Variants in SNX24 observed in about 807,000 individuals in gnomAD.
SNX24 encodes the protein sorting nexin-24.
In SNX24, 22 loss-of-function variants were observed where a neutral mutation model predicts 28.7. The ratio of observed to expected loss-of-function variants is 0.77; its 90% CI spans 0.55 to 1.10. The LOEUF (loss-of-function observed/expected upper bound fraction) is 1.10, where lower values mean the gene tolerates loss of function less well. Among genes scored for constraint, SNX24 ranks in the 50% least tolerant of loss-of-function variants. The pLI is 0.00. For synonymous variants in SNX24, 69 were observed against 71.5 expected (o/e 0.96, Z 0.18); for missense variants, 221 against 201.1 (o/e 1.10, Z -0.60).
At position 122,932,948 on chromosome 5, in the gene SNX24, C is replaced by G. The variant is rs189756247; in HGVS notation, c.61-3786C>G. 1.3e-3 allele frequency among the ~76,000 whole-genome samples: 203 copies of G among 151,722 alleles called. 1 individual carries two copies. The highest frequency in any genetic ancestry group is 4.5e-3 in the African/African-American group (188 of 41,368). On this transcript the variant is annotated intron_variant, in intron 1 of 6. Coordinates refer to ENST00000261369, the MANE Select transcript of SNX24 (RefSeq NM_014035.4). The stretch of plus-strand genomic sequence containing the variant: ...TGTTGACAAGGATGGGCCAGACATT[C>G]CTATTCATAACAGTGTAACTTAGTA...
chr5:122,969,179 T>C (rs944685090), intron 3 of SNX24, among the ~76,000 whole-genome samples: 1 of 152,186 alleles, frequency 6.6e-6, no homozygotes, highest in Non-Finnish European at 1.5e-5. Context: ...ATTTATTACA[T>C]AAGGTGCTCT....
Position 123,007,975 on chromosome 5 carries a change from AG to A in SNX24, c.*227del. 8.0e-7 allele frequency: 1 copy of A among 1,245,140 alleles called. No individual in the cohort carries two copies. The highest frequency in any genetic ancestry group is 1.0e-6 in the Non-Finnish European group (1 of 989,396). 77.1% of individuals were successfully genotyped at this position (1,245,140 alleles called of 1,614,324 possible). On this transcript the variant is annotated 3_prime_UTR_variant, in exon 7 of 7. Coordinates refer to ENST00000261369, the MANE Select transcript of SNX24 (RefSeq NM_014035.4). ...TCAGGCTAAGGCCAAGTGTTTAAGA[AG>A]TAGAGTGTAGCTGCCAGCGTAGAAA...
At chr5:123,005,989 GCTTGT>G (rs1762410757) in intron 6 of SNX24, among the ~76,000 whole-genome samples, 1 of 152,072 alleles carries the variant, frequency 6.6e-6, no homozygotes, top group Admixed American at 6.5e-5. Flanking sequence ...GTGTTCATTC[GCTTGT>G]CTCCCCAATT....
At chr5:122,897,599 A>G (rs918054680) in intron 1 of SNX24, among the ~76,000 whole-genome samples, 4 of 152,220 alleles carry the variant, frequency 2.6e-5, no homozygotes, top group African/African-American at 9.6e-5. Context: ...CTTATTTGTG[A>G]CAATACAAGA....
At chr5:122,897,150 TCA>T (rs1443201744) in intron 1 of SNX24, among the ~76,000 whole-genome samples, 6 of 150,918 alleles carry the variant, frequency 4.0e-5, no homozygotes, top group African/African-American at 7.3e-5. Context: ...GCATGAATTT[TCA>T]CATTTTGTCT....
At chr5:122,950,521 C>T (rs1477937298) in intron 3 of SNX24, among the ~76,000 whole-genome samples, 1 of 152,216 alleles carries the variant, frequency 6.6e-6, no homozygotes, top group African/African-American at 2.4e-5. Context: ...AGGGCTGCAA[C>T]AGTTCCAGAC....
chr5:122,897,561 T>C (rs1423395277), intron 1 of SNX24, among the ~76,000 whole-genome samples: 1 of 152,188 alleles, frequency 6.6e-6, no homozygotes. Context: ...TTTCAGGGGA[T>C]GGAGTGGGGA....
At chr5:122,984,290 G>GA (rs11395046) in intron 3 of SNX24, among the ~76,000 whole-genome samples, 33,565 of 150,000 alleles carry the variant, frequency 0.22, 4,702 homozygotes, top group Non-Finnish European at 0.33. Context: ...CTACAATACA[G>GA]AAAAAAAAAA....
chr5:122,936,844 TTTCTC>T, intron 2 of SNX24, 27 bp downstream of exon 2: 1 of 1,434,144 alleles, frequency 7.0e-7, no homozygotes. Flanking sequence ...TTTTTTGTCT[TTTCTC>T]TATGTGGCAG....
chr5:123,015,594 A>C (rs1762665676), intron 5 of SNX24, among the ~76,000 whole-genome samples: 1 of 152,158 alleles, frequency 6.6e-6, no homozygotes, highest in African/African-American at 2.4e-5. Context: ...AACTCTGTAC[A>C]ACTTTTCAGG....
chr5:122,973,417 C>T (rs1018298216), intron 3 of SNX24, among the ~76,000 whole-genome samples: 4 of 152,230 alleles, frequency 2.6e-5, no homozygotes, highest in African/African-American at 9.6e-5. Context: ...CAGCTGTCCA[C>T]TTTCAGGTGG....
chr5:122,849,724 C>A (rs950451402), intron 1 of SNX24, among the ~76,000 whole-genome samples: 3 of 152,108 alleles, frequency 2.0e-5, no homozygotes, highest in Non-Finnish European at 1.5e-5. Flanking sequence ...TACCCAATGG[C>A]TTACTTATTT....
chr5:122,906,378 C>G (rs1243220944), intron 1 of SNX24, among the ~76,000 whole-genome samples: 1 of 152,180 alleles, frequency 6.6e-6, no homozygotes, highest in Admixed American at 6.5e-5. Context: ...CATAGTGGGT[C>G]TGATTTGAAT....
At chr5:122,878,477 C>G (rs76225980) in intron 1 of SNX24, among the ~76,000 whole-genome samples, 3,182 of 152,162 alleles carry the variant, frequency 0.021, 47 homozygotes, top group Non-Finnish European at 0.031. Flanking sequence ...CAGGTCAAGG[C>G]TTTTTGTAAA....
rs1404453735 is a variant in SNX24 at position 123,007,789 on chromosome 5, A to C, written c.*40A>C. The C allele has an allele frequency of 1.3e-6, 2 of 1,580,126 alleles. No homozygotes were observed. Among genetic ancestry groups the C allele is most frequent in the East Asian group, 4.5e-5 (2 of 44,672 alleles). The stretch of plus-strand genomic sequence containing the variant: ...TAAAAGAAGCAGAAGCAAGTTTCGA[A>C]GTCACAGTCAAGGAAATCAATACCT... On this transcript the variant is annotated 3_prime_UTR_variant, in exon 7 of 7. Coordinates refer to ENST00000261369, the MANE Select transcript of SNX24 (RefSeq NM_014035.4).
chr5:122,889,923 T>A (rs866458338), intron 1 of SNX24, among the ~76,000 whole-genome samples: 3 of 151,788 alleles, frequency 2.0e-5, no homozygotes, highest in Admixed American at 6.6e-5. Flanking sequence ...AGTATTTTTT[T>A]TTTTTTTGCT....
chr5:122,934,460 A>G (rs1026130132), intron 1 of SNX24, among the ~76,000 whole-genome samples: 3 of 152,066 alleles, frequency 2.0e-5, no homozygotes, highest in African/African-American at 7.2e-5. Flanking sequence ...CCTAGGTTCA[A>G]GCGATTCTCA....
At chr5:122,950,276 G>A (rs955498747) in intron 3 of SNX24, among the ~76,000 whole-genome samples, 4 of 152,110 alleles carry the variant, frequency 2.6e-5, no homozygotes, top group African/African-American at 9.7e-5. Context: ...GAAGATAAAA[G>A]CAAGTTAATA....
intron 1 of SNX24, among the ~76,000 whole-genome samples, chr5:122,931,824 T>G (rs1013903006): frequency 4.6e-5 from 7 of 152,030 alleles, no homozygotes; most frequent in African/African-American, 1.7e-4. Flanking sequence ...TAGAGAATTC[T>G]TTTCTTTTTT....
Sources: allele counts gnomAD v4.1 joint callset (sites outside exome capture counted in the v4.1 genomes callset), GRCh38; gene constraint gnomAD v4.1.1; transcripts MANE v1.5; gene names NCBI Gene and HGNC (gene_info 2026-07-23, HGNC 2026-07-21).